The following PDE6B variants were observed in gnomAD, a reference collection of about 807,000 sequenced individuals.
PDE6B encodes phosphodiesterase 6B.
A neutral mutation model predicts 109.0 loss-of-function variants in PDE6B; 106 were observed. That is an observed-to-expected ratio of 0.97 (90% confidence interval 0.83 to 1.14). The LOEUF (loss-of-function observed/expected upper bound fraction) is 1.14, where lower values mean the gene tolerates loss of function less well. Ranked by LOEUF, PDE6B falls within the 50% of genes most tolerant of loss-of-function variation. The pLI, the probability that PDE6B is intolerant of heterozygous loss-of-function variation, is 0.00. For synonymous variants in PDE6B, 490 were observed against 471.3 expected (o/e 1.04, Z -0.51); for missense variants, 1,193 against 1,155.6 (o/e 1.03, Z -0.47).
intron 1 of PDE6B, among the ~76,000 whole-genome samples, chr4:631,454 T>A (rs1198661792): frequency 6.6e-6 from 1 of 151,022 alleles, no homozygotes; most frequent in African/African-American, 2.4e-5. Context: ...TGTGGCACTG[T>A]CTGAGGGTTA....
chr4:670,382 A>G lies in PDE6B; in HGVS notation c.*275A>G, dbSNP rs1314932408. 3 of 390,632 alleles carry G rather than the reference A, an allele frequency of 7.7e-6. No homozygotes were observed. The highest frequency in any genetic ancestry group is 4.2e-5 in the African/African-American group (2 of 47,882). The allele number at this position is 390,632 out of a possible 1,614,324, so 24.2% of individuals were successfully genotyped here. ...CTCAGCCTCCTGAGTAGCTGGGACT[A>G]CAGGCGCCCACCACCACACATGGCT... is the stretch of plus-strand genomic sequence containing the variant. On this transcript the variant is annotated 3_prime_UTR_variant, in exon 22 of 22. Coordinates refer to ENST00000496514, the MANE Select transcript of PDE6B (RefSeq NM_000283.4).
rs1737384869 is a variant in PDE6B, at chr4:663,541, G to A, written c.1921-229G>A. ...TGGACCCCTCCCTGCGCTCCCCGGT[G>A]GTGACCTCTGAGGCCATCTGCGTCC... On this transcript the variant is annotated intron_variant, in intron 15 of 21. Transcript: ENST00000496514. This position sits in a 1 kb window ranked among gnomAD's most constrained non-coding sequence, Gnocchi z 4.0. 6.6e-6 allele frequency among the ~76,000 whole-genome samples: 1 copy of A among 152,126 alleles called. No homozygotes were observed. Among genetic ancestry groups the A allele is most frequent in the African/African-American group, 2.4e-5 (1 of 41,436 alleles).
Position 654,165 on chromosome 4 carries a change from G to A in PDE6B, c.927+11G>A. 1 of 1,611,530 alleles carries A rather than the reference G, an allele frequency of 6.2e-7. No homozygotes were observed. Among genetic ancestry groups the A allele is most frequent in the Non-Finnish European group, 8.5e-7 (1 of 1,178,294 alleles). On this transcript the variant is annotated intron_variant, in intron 5 of 21. Coordinates refer to ENST00000496514, the MANE Select transcript of PDE6B (RefSeq NM_000283.4). ...ACGCCTGATGGCCGGGTGAGTCTTA[G>A]GGGAGGGGCCCAGGGCCTGTCCACA...
Position 625,868 on chromosome 4 carries a change from G to C in PDE6B, c.242G>C (p.Arg81Pro). Residue 81 changes from arginine (R) to proline (P), a missense_variant, in exon 1 of 22, where the codon CGG becomes CCG. Coordinates refer to ENST00000496514, the MANE Select transcript of PDE6B (RefSeq NM_000283.4). The surrounding 1 kb of genome is among the most constrained non-coding windows in gnomAD (Gnocchi z 5.0). ...GAGCGCGTGGTCTTCAAGGTCCTGC[G>C]GCGCCTCTGCACCCTCCTGCAGGCC... ...NMERVVFKVLRRLCTLLQADR... is the reference protein window; with the variant it reads ...NMERVVFKVLPRLCTLLQADR... 3.7e-6 allele frequency: 6 copies of C among 1,609,964 alleles called. No homozygotes were observed. Among genetic ancestry groups the C allele is most frequent in the Non-Finnish European group, 5.1e-6 (6 of 1,178,636 alleles).
At chr4:632,063 C>T (rs1734411792) in intron 1 of PDE6B, among the ~76,000 whole-genome samples, 1 of 149,042 alleles carries the variant, frequency 6.7e-6, no homozygotes, top group African/African-American at 2.5e-5. Flanking sequence ...CTGTGTGGAT[C>T]TATGTGACAC....
chr4:650,789 G>C (rs577553801), intron 3 of PDE6B, among the ~76,000 whole-genome samples: 325 of 152,314 alleles, frequency 2.1e-3, no homozygotes, highest in African/African-American at 7.5e-3. Flanking sequence ...ATTCCGGAGG[G>C]CAGGGGGTGT....
rs1421421410 is a variant in PDE6B, at chr4:666,385, C to T, written c.2269-146C>T. 5.9e-6 allele frequency: 4 copies of T among 677,462 alleles called. No homozygotes were observed. The highest frequency in any genetic ancestry group is 1.8e-5 in the African/African-American group (1 of 56,680). 42.0% of individuals were successfully genotyped at this position (677,462 alleles called of 1,614,324 possible). Reference sequence around the variant, plus strand: ...CCAAGGGAGAGGGTGTCAGCTTCCCCTCCCGAGAGCCAGTTTCTGTCAGGC... The same window carrying T: ...CCAAGGGAGAGGGTGTCAGCTTCCCTTCCCGAGAGCCAGTTTCTGTCAGGC... On this transcript the variant is annotated intron_variant, in intron 19 of 21. Coordinates refer to ENST00000496514, the MANE Select transcript of PDE6B (RefSeq NM_000283.4). The surrounding 1 kb of genome is among the most constrained non-coding windows in gnomAD (Gnocchi z 5.6).
intron 1 of PDE6B, among the ~76,000 whole-genome samples, chr4:627,952 C>A (rs1734197650): frequency 6.6e-6 from 1 of 152,012 alleles, no homozygotes; most frequent in Non-Finnish European, 1.5e-5. Flanking sequence ...GCCTGTTCCC[C>A]AGGGCTGTTC....
Position 653,894 on chromosome 4 carries a change from G to C in PDE6B, c.754G>C (p.Asp252His), listed in dbSNP as rs1210313417. The C allele has an allele frequency of 6.2e-7, 1 of 1,613,860 alleles. No individual in the cohort carries two copies. The highest frequency in any genetic ancestry group is 2.2e-5 in the East Asian group (1 of 44,868). The part of the protein sequence containing the change: ...SANKVFEELT[D>H]IERQFHKAFY... ...CAACAAGGTGTTTGAGGAGCTGACG[G>C]ACATCGAGAGGCAGTTCCACAAGGC... is the stretch of plus-strand genomic sequence containing the variant. Residue 252 changes from aspartate (D) to histidine (H), a missense_variant, in exon 4 of 22, where the codon GAC (aspartate) becomes CAC (histidine). Asp to His is a moderately conservative substitution (Grantham distance 81, BLOSUM62 -1). Coordinates refer to ENST00000496514, the MANE Select transcript of PDE6B (RefSeq NM_000283.4).
At chr4:659,740 A>G (rs961360451) in intron 11 of PDE6B, among the ~76,000 whole-genome samples, 5 of 147,556 alleles carry the variant, frequency 3.4e-5, no homozygotes, top group South Asian at 4.4e-4. Flanking sequence ...GTGTGTGCTC[A>G]CATGTGCACA....
intron 8 of PDE6B, among the ~76,000 whole-genome samples, 177 bp downstream of exon 8, chr4:656,469 T>C (rs1736257335): frequency 6.6e-6 from 1 of 152,030 alleles, no homozygotes. Context: ...CACCTGGGGC[T>C]GTGACCACAG....
intron 9 of PDE6B, 127 bp downstream of exon 9, chr4:657,150 C>A (rs778978668): frequency 1.2e-5 from 14 of 1,198,154 alleles, no homozygotes; most frequent in Non-Finnish European, 1.6e-5. Flanking sequence ...GGTATGCATG[C>A]GGCCAGGGAG....
Position 653,976 on chromosome 4 carries a change from AC to A in PDE6B, c.837del (p.Asp279GlufsTer2), listed in dbSNP as rs746141070. The A allele has an allele frequency of 3.7e-6, 6 of 1,613,712 alleles. No individual in the cohort carries two copies. Among genetic ancestry groups the A allele is most frequent in the Non-Finnish European group, 5.1e-6 (6 of 1,180,032 alleles). On this transcript the variant is annotated frameshift_variant, in exon 4 of 22. Transcript: ENST00000496514. LOFTEE classifies it high-confidence loss of function. ...NCERYSVGLL[D>X]MTKEKEFFDV... ...GAGCGGTACTCCGTGGGCCTCCTGG[AC>A]ATGACCAAGGAGAAGGTGAGGCTTC...
intron 3 of PDE6B, among the ~76,000 whole-genome samples, chr4:638,344 A>G (rs942199939): frequency 4.0e-5 from 6 of 151,880 alleles, no homozygotes; most frequent in African/African-American, 1.2e-4. Context: ...TTTATTGGAG[A>G]CAGGGTCTTA....
chr4:639,270 A>C (rs1734836343), intron 3 of PDE6B, among the ~76,000 whole-genome samples: 2 of 151,698 alleles, frequency 1.3e-5, no homozygotes, highest in African/African-American at 4.8e-5. Flanking sequence ...TCAGCCTCCC[A>C]AGCAGCTGGG....
intron 3 of PDE6B, among the ~76,000 whole-genome samples, chr4:644,070 C>T (rs1414670419): frequency 1.3e-5 from 2 of 151,518 alleles, no homozygotes. Context: ...AGACACACAC[C>T]ACCACACCCA....
chr4:662,306 C>A lies in PDE6B; in HGVS notation c.1722+65C>A. ...CCTGGTACCAAGGGCAGCACTCAAG[C>A]ACCCCGAGGGATGAGATGGGGGTCC... On this transcript the variant is annotated intron_variant, in intron 13 of 21. Transcript: ENST00000496514. The surrounding 1 kb of genome is among the most constrained non-coding windows in gnomAD (Gnocchi z 4.3). 1.0e-6 allele frequency: 1 copy of A among 979,356 alleles called. No individual in the cohort carries two copies. Among genetic ancestry groups the A allele is most frequent in the Non-Finnish European group, 1.6e-6 (1 of 626,756 alleles). 60.7% of individuals were successfully genotyped at this position (979,356 alleles called of 1,614,324 possible).
intron 6 of PDE6B, 110 bp downstream of exon 6, chr4:654,998 C>T (rs1577275768): frequency 1.3e-6 from 1 of 788,910 alleles, no homozygotes; most frequent in East Asian, 2.5e-5. Flanking sequence ...CAGTCAGCAG[C>T]ACCGGCCTGG....
intron 1 of PDE6B, among the ~76,000 whole-genome samples, chr4:628,857 C>T (rs1734244170): frequency 6.6e-6 from 1 of 152,206 alleles, no homozygotes; most frequent in Non-Finnish European, 1.5e-5. Flanking sequence ...CTCCCAGAAC[C>T]CCACGACTAC....
Sources: allele counts gnomAD v4.1 joint callset (sites outside exome capture counted in the v4.1 genomes callset), GRCh38; gene constraint gnomAD v4.1.1; non-coding constraint Gnocchi (gnomAD v3.1); transcripts MANE v1.5; gene names NCBI Gene and HGNC (gene_info 2026-07-23, HGNC 2026-07-21).